BTBD3: variants seen among roughly 807,000 people sequenced by gnomAD.
BTBD3 encodes the protein BTB domain containing 3.
BTBD3 carries 14 observed loss-of-function variants against 41.6 expected under a neutral mutation model. The ratio of observed to expected loss-of-function variants is 0.34; its 90% CI spans 0.22 to 0.53. BTBD3 has a LOEUF of 0.53. Among genes scored for constraint, BTBD3 ranks in the 20% least tolerant of loss-of-function variants. BTBD3 has a pLI of 0.95. For synonymous variants in BTBD3, 249 were observed against 233.7 expected (o/e 1.07, Z -0.60); for missense variants, 426 against 654.7 (o/e 0.65, Z 3.81).
chr20:11,892,619 G>C (rs2056762168), intron 1 of BTBD3: 1 of 152,212 alleles, frequency 6.6e-6, no homozygotes, highest in African/African-American at 2.4e-5. Context: ...TGTATGGGAT[G>C]ATAATTACTA....
At position 11,923,687 on chromosome 20, in the gene BTBD3, C is replaced by G; in HGVS notation, c.*21C>G. ...CTTGAAAACTCACTTCCTGAAGCAG[C>G]TTGAGCTCCAAAGTGCACATCTGGT... On this transcript the variant is annotated 3_prime_UTR_variant, in exon 4 of 4. Transcript: ENST00000378226. This position sits in a 1 kb window ranked among gnomAD's most constrained non-coding sequence, Gnocchi z 5.3. The G allele has an allele frequency of 1.3e-6, 2 of 1,567,026 alleles. No homozygotes were observed. Among genetic ancestry groups the G allele is most frequent in the Non-Finnish European group, 1.7e-6 (2 of 1,155,948 alleles).
chr20:11,909,167 G>A (rs1027724992), intron 1 of BTBD3, among the ~76,000 whole-genome samples: 3 of 151,868 alleles, frequency 2.0e-5, no homozygotes, highest in African/African-American at 4.8e-5. Context: ...TCAGGTATTT[G>A]GGAAGTTGAG....
At chr20:11,920,874 G>A (rs777448773) in intron 3 of BTBD3, among the ~76,000 whole-genome samples, 4 of 152,166 alleles carry the variant, frequency 2.6e-5, no homozygotes, top group Non-Finnish European at 5.9e-5. Context: ...AAGTACTGTA[G>A]TTAGTTCTAG....
In BTBD3 at chr20:11,919,293, G is replaced by A. The variant is rs73897036; in HGVS notation, c.417+117G>A. ...ATGTCAGGCAGTGCATGTTTCACTCGATTAGGGAGAGAGCGCACCCTCTCC... is the reference window on the plus strand; with the variant it reads ...ATGTCAGGCAGTGCATGTTTCACTCAATTAGGGAGAGAGCGCACCCTCTCC... On this transcript the variant is annotated intron_variant, in intron 2 of 3. Coordinates refer to ENST00000378226, the MANE Select transcript of BTBD3 (RefSeq NM_014962.4). 9.6e-3 allele frequency: 12,922 copies of A among 1,341,676 alleles called. 784 individuals are homozygous for A. The African/African-American group carries it at 0.14, about 15-fold the overall frequency. The allele number at this position is 1,341,676 out of a possible 1,614,324, so 83.1% of individuals were successfully genotyped here. A position where few individuals can be genotyped will look rare whatever the true frequency, so the allele number is the denominator to read the frequency against.
intron 1 of BTBD3, among the ~76,000 whole-genome samples, chr20:11,899,904 A>G (rs1263548503): frequency 6.6e-6 from 1 of 152,248 alleles, no homozygotes; most frequent in Non-Finnish European, 1.5e-5. Flanking sequence ...AAAAACCATG[A>G]TGTATGTGTG....
At chr20:11,914,479 C>T (rs373902460), upstream of BTBD3, among the ~76,000 whole-genome samples, 6 of 152,124 alleles carry the variant, frequency 3.9e-5, no homozygotes, top group East Asian at 1.9e-4. Flanking sequence ...CCAATTTCAC[C>T]GACAGCTTGA....
chr20:11,890,911 G>T, exon 1 of BTBD3: 20 of 984,880 alleles, frequency 2.0e-5, no homozygotes, highest in Non-Finnish European at 2.3e-5. Flanking sequence ...ACAGGGCAAG[G>T]CGGCGGACGG....
intron 1 of BTBD3, among the ~76,000 whole-genome samples, chr20:11,911,929 A>G (rs1251593583): frequency 1.3e-5 from 2 of 152,174 alleles, no homozygotes; most frequent in Non-Finnish European, 2.9e-5. Context: ...TATAATCGTC[A>G]AATGTCATGG....
At chr20:11,916,005 C>A (rs1046041446), upstream of BTBD3, among the ~76,000 whole-genome samples, 1 of 152,228 alleles carries the variant, frequency 6.6e-6, no homozygotes, top group South Asian at 2.1e-4. Context: ...AGATCACAAA[C>A]CCTTCTAAGT....
chr20:11,918,596 A>AG lies in BTBD3; in HGVS notation c.322dup (p.Glu108GlyfsTer9). The AG allele has an allele frequency of 6.3e-7, 1 of 1,593,120 alleles. No individual in the cohort carries two copies. Among genetic ancestry groups the AG allele is most frequent in the Non-Finnish European group, 8.5e-7 (1 of 1,172,392 alleles). ...GGCAGGGTCTTTATCCCACCATTAG[A>AG]GAGAGGTAAGTGCCGCGCTAGTCTA... On this transcript the variant is annotated frameshift_variant, in exon 1 of 4. Transcript: ENST00000378226. LOFTEE classifies it high-confidence loss of function.
At position 11,907,485 on chromosome 20, in the gene BTBD3, C is replaced by G. The variant is rs956214557; in HGVS notation, c.-125-10849C>G. Among the ~76,000 whole-genome samples the G allele has an allele frequency of 1.6e-4, 25 of 152,194 alleles. 1 individual carries two copies. The highest frequency in any genetic ancestry group is 1.5e-5 in the Non-Finnish European group (1 of 68,036). ...GGACTTGGAAGTGTTGGGCTTTAAC[C>G]TCCTCTTGTGTAACCATTGAAAGCC... is the stretch of plus-strand genomic sequence containing the variant. On this transcript the variant is annotated intron_variant, in intron 1 of 4. Coordinates refer to the BTBD3 transcript ENST00000254977.
At chr20:11,906,254 C>CTTTTTTTT (rs3071747) in intron 1 of BTBD3, among the ~76,000 whole-genome samples, 918 of 36,204 alleles carry the variant, frequency 0.025, 241 homozygotes, top group African/African-American at 0.047. Context: ...ATTATTACTC[C>CTTTTTTTT]TTTTTTTTTT....
chr20:11,916,825 G>A (rs993806503), upstream of BTBD3, among the ~76,000 whole-genome samples: 3 of 152,160 alleles, frequency 2.0e-5, no homozygotes, highest in African/African-American at 7.2e-5. Flanking sequence ...ATAGATAGGG[G>A]TGAGATTAAA....
chr20:11,916,889 G>A (rs1396275897), upstream of BTBD3, among the ~76,000 whole-genome samples: 3 of 152,046 alleles, frequency 2.0e-5, no homozygotes, highest in Admixed American at 6.6e-5. Flanking sequence ...ACCTATTGCC[G>A]GTGTTTTTGT....
chr20:11,900,932 C>T (rs556973372), intron 1 of BTBD3, among the ~76,000 whole-genome samples: 35 of 151,934 alleles, frequency 2.3e-4, no homozygotes, highest in Non-Finnish European at 4.9e-4. Flanking sequence ...AGGATGGTCT[C>T]GATATCCTGA....
intron 1 of BTBD3, among the ~76,000 whole-genome samples, chr20:11,901,010 C>A (rs2056820807): frequency 2.0e-5 from 3 of 152,138 alleles, no homozygotes; most frequent in African/African-American, 4.8e-5. Context: ...CGCACCCGGC[C>A]AAAGTCCATC....
chr20:11,920,370 C>A (rs2056959616), intron 3 of BTBD3, among the ~76,000 whole-genome samples: 1 of 152,128 alleles, frequency 6.6e-6, no homozygotes, highest in Non-Finnish European at 1.5e-5. Flanking sequence ...CAGACACTCT[C>A]AAGGGTAAAA....
chr20:11,906,441 T>C (rs1031622172), intron 1 of BTBD3, among the ~76,000 whole-genome samples: 1 of 151,622 alleles, frequency 6.6e-6, no homozygotes, highest in African/African-American at 2.4e-5. Flanking sequence ...TTTTTGTATT[T>C]GTAGTAGAGA....
intron 1 of BTBD3, chr20:11,910,393 A>G (rs1432225197): frequency 6.6e-6 from 1 of 152,222 alleles, no homozygotes; most frequent in Non-Finnish European, 1.5e-5. Flanking sequence ...CCATTCCAGC[A>G]TTCCCAGTAG....
Sources: allele counts gnomAD v4.1 joint callset (sites outside exome capture counted in the v4.1 genomes callset), GRCh38; gene constraint gnomAD v4.1.1; non-coding constraint Gnocchi (gnomAD v3.1); transcripts MANE v1.5; gene names NCBI Gene and HGNC (gene_info 2026-07-23, HGNC 2026-07-21).